The following LYPLA1 variants were observed in gnomAD, a reference collection of about 807,000 sequenced individuals.
LYPLA1 encodes the protein acyl-protein thioesterase 1.
In LYPLA1, 17 loss-of-function variants were observed where a neutral mutation model predicts 34.0. The observed-to-expected ratio is 0.50, with a 90% CI of 0.34 to 0.75. LYPLA1 has a LOEUF of 0.75. LYPLA1 is among the 30% of genes least tolerant of loss of function. The probability of loss-of-function intolerance (pLI) is 0.01; values close to 1 mark genes in which losing one functional copy is unlikely to be tolerated. For synonymous variants in LYPLA1, 98 were observed against 100.8 expected, an observed-to-expected ratio of 0.97 and a Z score of 0.17; for missense variants, 203 against 288.8, an observed-to-expected ratio of 0.70 and a Z score of 2.15.
intron 2 of LYPLA1, among the ~76,000 whole-genome samples, chr8:54,082,101 G>A (rs1484592264): frequency 6.6e-6 from 1 of 152,158 alleles, no homozygotes; most frequent in Non-Finnish European, 1.5e-5. Context: ...TATCCTCAAC[G>A]AAACTGCAGT....
intron 2 of LYPLA1, among the ~76,000 whole-genome samples, chr8:54,098,910 G>A (rs574579110): frequency 1.1e-3 from 165 of 151,150 alleles, no homozygotes; most frequent in Non-Finnish European, 1.9e-3. Flanking sequence ...AACCAATCTA[G>A]AGTCAGCCTT....
At position 54,097,131 on chromosome 8, in the gene LYPLA1, C is replaced by T. The variant is rs115569942; in HGVS notation, c.101+3777G>A. On this transcript the variant is annotated intron_variant, in intron 2 of 8. Coordinates refer to ENST00000316963, the MANE Select transcript of LYPLA1 (RefSeq NM_006330.4). ...ACAACTTGCATAGTCACAAAGTATCCCCCCGCAACTTGCTTTTTAATTACA... is the reference window on the plus strand; with the variant it reads ...ACAACTTGCATAGTCACAAAGTATCTCCCCGCAACTTGCTTTTTAATTACA... Among the ~76,000 whole-genome samples the T allele has an allele frequency of 7.1e-3, 1,081 of 152,150 alleles. 11 individuals carry two copies. The highest frequency in any genetic ancestry group is 0.024 in the African/African-American group (990 of 41,492).
intron 2 of LYPLA1, among the ~76,000 whole-genome samples, chr8:54,087,486 C>T (rs143411986): frequency 1.7e-3 from 264 of 152,240 alleles, no homozygotes; most frequent in African/African-American, 5.9e-3. Flanking sequence ...GGCTACAGGG[C>T]AATACTCTGT....
In LYPLA1 at chr8:54,061,086, A is replaced by AT. The variant is rs1306175563; in HGVS notation, c.286+1167dup. ...TTAATGAAGATAACTGGCCAAAACT[A>AT]TTTTTTTTTTTGAGACAGAGTTTCA... On this transcript the variant is annotated intron_variant, in intron 5 of 8. Transcript: ENST00000316963. Among the ~76,000 whole-genome samples the AT allele has an allele frequency of 4.6e-3, 670 of 145,024 alleles. 2 individuals carry two copies. Among genetic ancestry groups the AT allele is most frequent in the African/African-American group, 0.015 (606 of 39,710 alleles).
At chr8:54,048,511 C>T (rs1805625919) in intron 8 of LYPLA1, among the ~76,000 whole-genome samples, 1 of 152,166 alleles carries the variant, frequency 6.6e-6, no homozygotes, top group Admixed American at 6.6e-5. Context: ...GCGCTAAATC[C>T]ATAGCATTAA....
At chr8:54,101,635 G>C in intron 1 of LYPLA1, 120 bp downstream of exon 1, 1 of 1,144,288 alleles carries the variant, frequency 8.7e-7, no homozygotes, top group Non-Finnish European at 1.1e-6. Flanking sequence ...CCCCACCCGG[G>C]CCGGGAGGAG....
chr8:54,043,916 G>A (rs1805425939), downstream of LYPLA1, among the ~76,000 whole-genome samples: 1 of 151,834 alleles, frequency 6.6e-6, no homozygotes, highest in South Asian at 2.1e-4. Flanking sequence ...GCTTTTTTGA[G>A]ACAGTCTTGC....
intron 2 of LYPLA1, among the ~76,000 whole-genome samples, chr8:54,066,362 T>C (rs1216966451): frequency 6.6e-6 from 1 of 152,224 alleles, no homozygotes; most frequent in Non-Finnish European, 1.5e-5. Context: ...TGAACAGCAG[T>C]GTGTGCCCCT....
intron 2 of LYPLA1, among the ~76,000 whole-genome samples, chr8:54,098,344 T>G (rs932756553): frequency 2.6e-5 from 4 of 152,094 alleles, no homozygotes; most frequent in Non-Finnish European, 5.9e-5. Flanking sequence ...ATTCGTGTCC[T>G]GGGTGAGACG....
intron 7 of LYPLA1, among the ~76,000 whole-genome samples, chr8:54,052,385 G>C (rs1805904806): frequency 6.6e-6 from 1 of 151,976 alleles, no homozygotes; most frequent in Non-Finnish European, 1.5e-5. Context: ...TGGAGGACTT[G>C]GTGATGGTGA....
At chr8:54,087,117 T>C (rs1193000956) in intron 2 of LYPLA1, among the ~76,000 whole-genome samples, 1 of 152,172 alleles carries the variant, frequency 6.6e-6, no homozygotes, top group Non-Finnish European at 1.5e-5. Context: ...GAGCTGAGTA[T>C]CTTATGATCT....
intron 2 of LYPLA1, among the ~76,000 whole-genome samples, chr8:54,075,441 T>G (rs1332052933): frequency 1.3e-5 from 2 of 152,226 alleles, no homozygotes; most frequent in Non-Finnish European, 2.9e-5. Context: ...GCCCCCTGAT[T>G]GCAGCCATGT....
intron 8 of LYPLA1, among the ~76,000 whole-genome samples, chr8:54,050,170 T>C (rs1805752123): frequency 6.6e-6 from 1 of 152,264 alleles, no homozygotes. Context: ...TCCAATATCC[T>C]ATTTTGATAT....
chr8:54,101,732 G>A lies in LYPLA1; in HGVS notation c.69+23C>T, dbSNP rs1215051920. 4 of 1,291,570 alleles carry A rather than the reference G, an allele frequency of 3.1e-6. No homozygotes were observed. The South Asian group carries it at 1.0e-4, about 33-fold the overall frequency. The allele number at this position is 1,291,570 out of a possible 1,614,324, so 80.0% of individuals were successfully genotyped here. A position where few individuals can be genotyped will look rare whatever the true frequency, so the allele number is the denominator to read the frequency against. ...GGTGGCCGGCCCAGTGGACCCCTCCGAGCCCACGCCTACGCCACTCACCGC... is the reference window on the plus strand; with the variant it reads ...GGTGGCCGGCCCAGTGGACCCCTCCAAGCCCACGCCTACGCCACTCACCGC... On this transcript the variant is annotated intron_variant, in intron 1 of 8. Transcript: ENST00000316963.
chr8:54,043,483 C>A (rs920734658), downstream of LYPLA1, among the ~76,000 whole-genome samples: 1 of 151,728 alleles, frequency 6.6e-6, no homozygotes, highest in Non-Finnish European at 1.5e-5. Flanking sequence ...ACCATACTGG[C>A]CAGGCTGGTC....
chr8:54,063,263 A>T (rs1425773409), intron 4 of LYPLA1, 65 bp downstream of exon 4: 1 of 1,054,028 alleles, frequency 9.5e-7, no homozygotes, highest in African/African-American at 1.6e-5. Flanking sequence ...TGTACACAAA[A>T]GCATTTCTGA....
chr8:54,085,153 G>A (rs1201821793), intron 2 of LYPLA1, among the ~76,000 whole-genome samples: 1 of 152,196 alleles, frequency 6.6e-6, no homozygotes, highest in Non-Finnish European at 1.5e-5. Flanking sequence ...CGCCTGACTG[G>A]TTTTTGTATT....
chr8:54,058,026 TCTC>T (rs1213959999), intron 5 of LYPLA1, among the ~76,000 whole-genome samples: 2 of 152,178 alleles, frequency 1.3e-5, no homozygotes, highest in Non-Finnish European at 2.9e-5. Context: ...CAGTTCTTTC[TCTC>T]ATCAAGAGAT....
At position 54,100,927 on chromosome 8, in the gene LYPLA1, G is replaced by T; in HGVS notation, c.82C>A (p.His28Asn). 6.2e-7 allele frequency: 1 copy of T among 1,609,508 alleles called. No homozygotes were observed. Among genetic ancestry groups the T allele is most frequent in the Non-Finnish European group, 8.5e-7 (1 of 1,175,978 alleles). Residue 28 changes from histidine (H) to asparagine (N), a missense_variant, in exon 2 of 9, where the codon CAT becomes AAT. His to Asn is a moderately conservative substitution (Grantham distance 68, BLOSUM62 1). Coordinates refer to ENST00000316963, the MANE Select transcript of LYPLA1 (RefSeq NM_006330.4). ...RKATAAVIFLHGLGDTGHGWA... is the reference protein window; with the variant it reads ...RKATAAVIFLNGLGDTGHGWA... ...ACCTACCCAGTATCTCCCAATCCAT[G>T]CAGGAAAATCACCTATAAGAGAAGA... is the stretch of plus-strand genomic sequence containing the variant.
Sources: allele counts gnomAD v4.1 joint callset (sites outside exome capture counted in the v4.1 genomes callset), GRCh38; gene constraint gnomAD v4.1.1; transcripts MANE v1.5; gene names NCBI Gene and HGNC (gene_info 2026-07-23, HGNC 2026-07-21).